The following KRABD5 variants were observed in gnomAD, a reference collection of about 807,000 sequenced individuals.
KRABD5 encodes the protein KRAB domain containing 5, also known as KRAB domain-containing protein 5.
the KRABD5 span, among the ~76,000 whole-genome samples, chr16:31,732,665 G>C: frequency 3.1e-4 from 47 of 152,080 alleles, no homozygotes; most frequent in Admixed American, 2.3e-3. Flanking sequence ...TTTATTTTTA[G>C]CTTCTAAAGA....
the KRABD5 span, among the ~76,000 whole-genome samples, chr16:31,742,142 C>T: frequency 0.13 from 19,062 of 150,942 alleles, 1,538 homozygotes; most frequent in East Asian, 0.18. Flanking sequence ...TCTGTTCCAT[C>T]GGTCTGTGTG....
chr16:31,736,296 A>T, the KRABD5 span, among the ~76,000 whole-genome samples: 1 of 151,984 alleles, frequency 6.6e-6, no homozygotes, highest in Non-Finnish European at 1.5e-5. Flanking sequence ...GGGATACTGT[A>T]GCTTTGTAGT....
the KRABD5 span, among the ~76,000 whole-genome samples, chr16:31,747,472 A>C: frequency 2.6e-5 from 4 of 152,122 alleles, no homozygotes; most frequent in Non-Finnish European, 4.4e-5. Flanking sequence ...GTCTTTATAG[A>C]AGCATGATTT....
At chr16:31,752,987 C>T in the KRABD5 span, among the ~76,000 whole-genome samples, 1 of 151,480 alleles carries the variant, frequency 6.6e-6, no homozygotes. Flanking sequence ...CATTTTGGTC[C>T]CTTTATTGAG....
At chr16:31,718,791 G>T in the KRABD5 span, among the ~76,000 whole-genome samples, 1 of 152,146 alleles carries the variant, frequency 6.6e-6, no homozygotes, top group African/African-American at 2.4e-5. Flanking sequence ...CACTACTGGG[G>T]CATCAGTACA....
At chr16:31,732,455 G>A in the KRABD5 span, among the ~76,000 whole-genome samples, 2 of 152,080 alleles carry the variant, frequency 1.3e-5, no homozygotes, top group South Asian at 2.1e-4. Context: ...GATTACTAGT[G>A]GGTACCACAT....
the KRABD5 span, chr16:31,713,503 T>C: frequency 6.4e-7 from 1 of 1,561,832 alleles, no homozygotes; most frequent in East Asian, 2.4e-5. Context: ...GGAACCCTCT[T>C]TGAGGTTAGC....
chr16:31,761,046 A>G, the KRABD5 span: 3 of 152,164 alleles, frequency 2.0e-5, no homozygotes, highest in East Asian at 3.9e-4. Flanking sequence ...TGGGCTTTGG[A>G]GTCAGGCAGA....
At chr16:31,717,449 C>T in the KRABD5 span, among the ~76,000 whole-genome samples, 2 of 152,302 alleles carry the variant, frequency 1.3e-5, no homozygotes, top group South Asian at 4.1e-4. Context: ...AATGTACCTA[C>T]CTGTCTTGAA....
the KRABD5 span, among the ~76,000 whole-genome samples, chr16:31,741,173 C>T: frequency 8.5e-5 from 13 of 152,094 alleles, no homozygotes; most frequent in South Asian, 2.1e-4. Context: ...TAGTATTCCA[C>T]GGTGTATATG....
the KRABD5 span, among the ~76,000 whole-genome samples, chr16:31,720,146 T>C: frequency 2.6e-5 from 4 of 152,256 alleles, no homozygotes; most frequent in East Asian, 7.7e-4. Flanking sequence ...CAGTAAACAC[T>C]GCTTTAATGC....
chr16:31,747,783 G>A, the KRABD5 span, among the ~76,000 whole-genome samples: 1 of 152,224 alleles, frequency 6.6e-6, no homozygotes, highest in Non-Finnish European at 1.5e-5. Context: ...CTGCATAAAT[G>A]TCTTCTTTTG....
the KRABD5 span, among the ~76,000 whole-genome samples, chr16:31,743,907 G>A: frequency 6.6e-6 from 1 of 152,058 alleles, no homozygotes; most frequent in African/African-American, 2.4e-5. Flanking sequence ...GTTTATTCAT[G>A]ATTTAACTCT....
chr16:31,741,662 T>C, the KRABD5 span, among the ~76,000 whole-genome samples: 2 of 152,150 alleles, frequency 1.3e-5, no homozygotes. Context: ...GTTATTTTTT[T>C]TCTTGTTAAT....
chr16:31,744,932 C>T, the KRABD5 span, among the ~76,000 whole-genome samples: 16 of 152,228 alleles, frequency 1.1e-4, no homozygotes, highest in African/African-American at 3.6e-4. Flanking sequence ...ATGGTATTCT[C>T]TGGTGGTAGT....
At chr16:31,715,862 G>A in the KRABD5 span, among the ~76,000 whole-genome samples, 1 of 152,130 alleles carries the variant, frequency 6.6e-6, no homozygotes, top group African/African-American at 2.4e-5. Context: ...AGGAAGGGAG[G>A]CTGTATTCCC....
At chr16:31,713,662 C>G in the KRABD5 span, among the ~76,000 whole-genome samples, 1 of 152,218 alleles carries the variant, frequency 6.6e-6, no homozygotes, top group Non-Finnish European at 1.5e-5. Context: ...CCGGAGCCGT[C>G]TTTGGGTCGC....
the KRABD5 span, chr16:31,758,740 C>T: frequency 2.0e-5 from 3 of 150,468 alleles, no homozygotes; most frequent in South Asian, 6.3e-4. Context: ...TGCCATTGCA[C>T]TCCAGCCTGG....
At chr16:31,757,328 G>A in the KRABD5 span, 2 of 152,314 alleles carry the variant, frequency 1.3e-5, no homozygotes, top group East Asian at 1.9e-4. Flanking sequence ...TTAGCTGGAT[G>A]TGGTGGCACA....
Sources: allele counts gnomAD v4.1 joint callset (sites outside exome capture counted in the v4.1 genomes callset), GRCh38; gene constraint gnomAD v4.1.1; transcripts MANE v1.5; gene names NCBI Gene and HGNC (gene_info 2026-07-23, HGNC 2026-07-21).